FREM2: variants seen among roughly 807,000 people sequenced by gnomAD.
The protein encoded by FREM2 is FRAS1 related extracellular matrix 2.
FREM2 carries 119 observed loss-of-function variants against 219.9 expected under a neutral mutation model. The ratio of observed to expected loss-of-function variants is 0.54; its 90% confidence interval spans 0.47 to 0.63. The LOEUF is 0.63. Ranked by LOEUF, FREM2 falls within the 30% of genes least tolerant of loss-of-function variation. The pLI is 0.00. For synonymous variants in FREM2, 1,562 were observed against 1,522.8 expected, an observed-to-expected ratio of 1.03 and a Z score of -0.60; for missense variants, 4,030 against 3,993.6, an observed-to-expected ratio of 1.01 and a Z score of -0.25.
intron 6 of FREM2, among the ~76,000 whole-genome samples, chr13:38,814,979 GC>G (rs561946640): frequency 3.9e-5 from 6 of 152,218 alleles, no homozygotes; most frequent in African/African-American, 1.4e-4. Flanking sequence ...CTCCCCTCTG[GC>G]CCAGGGAAGG....
chr13:38,861,284 T>C, intron 14 of FREM2, 147 bp from the exon 15 acceptor site: 1 of 756,420 alleles, frequency 1.3e-6, no homozygotes, highest in South Asian at 1.6e-5. Flanking sequence ...TAATTCCTTA[T>C]CACGTGATGT....
intron 2 of FREM2, among the ~76,000 whole-genome samples, chr13:38,729,682 G>A (rs1031614748): frequency 6.6e-6 from 1 of 152,126 alleles, no homozygotes; most frequent in East Asian, 1.9e-4. Flanking sequence ...GTGTATTGAG[G>A]CTTTCTTTAG....
chr13:38,804,709 A>G (rs570126198), intron 6 of FREM2, among the ~76,000 whole-genome samples: 1 of 152,304 alleles, frequency 6.6e-6, no homozygotes, highest in Admixed American at 6.5e-5. Flanking sequence ...TTAAAAGATG[A>G]AAAGGATGTA....
At chr13:38,698,963 T>C (rs755516046) in intron 2 of FREM2, among the ~76,000 whole-genome samples, 76 of 152,170 alleles carry the variant, frequency 5.0e-4, no homozygotes, top group Non-Finnish European at 8.4e-4. Context: ...AATCATAGTT[T>C]AGTATTCTAC....
chr13:38,753,406 A>T (rs1297191287), intron 2 of FREM2, among the ~76,000 whole-genome samples: 1 of 152,210 alleles, frequency 6.6e-6, no homozygotes, highest in African/African-American at 2.4e-5. Flanking sequence ...ATGCTTTGTA[A>T]TCTTATTCAC....
At chr13:38,821,084 T>C (rs1876028312) in intron 6 of FREM2, among the ~76,000 whole-genome samples, 1 of 152,154 alleles carries the variant, frequency 6.6e-6, no homozygotes, top group Non-Finnish European at 1.5e-5. Flanking sequence ...AGTTGTCTCA[T>C]TAGGAGTCCT....
Position 38,876,446 on chromosome 13 carries a change from T to TTAA in FREM2, c.8544+64_8544+65insTAA, listed in dbSNP as rs1555274159. 4,861 of 1,111,744 alleles carry TTAA rather than the reference T, an allele frequency of 4.4e-3. 117 individuals carry two copies. The African/African-American group carries it at 0.067, about 15-fold the overall frequency. The allele number at this position is 1,111,744 out of a possible 1,614,324, so 68.9% of individuals were successfully genotyped here. A position where few individuals can be genotyped will look rare whatever the true frequency, so the allele number is the denominator to read the frequency against. ...TCCCACTTTGTTTTTCATTTATTAG[T>TTAA]AAAAAAAAAAAAAATCCACACGTGA... On this transcript the variant is annotated intron_variant, in intron 20 of 23. Transcript: ENST00000280481.
At chr13:38,719,244 G>T (rs1324277654) in intron 2 of FREM2, among the ~76,000 whole-genome samples, 1 of 152,130 alleles carries the variant, frequency 6.6e-6, no homozygotes, top group Non-Finnish European at 1.5e-5. Flanking sequence ...TTTTGAGATG[G>T]AGTTTCGCTC....
intron 2 of FREM2, among the ~76,000 whole-genome samples, chr13:38,721,019 G>A (rs1354955873): frequency 6.6e-6 from 1 of 152,140 alleles, no homozygotes; most frequent in Non-Finnish European, 1.5e-5. Context: ...TTGGTTGGGG[G>A]AGGGAGCATC....
chr13:38,865,544 T>G (rs1593453382), intron 16 of FREM2, among the ~76,000 whole-genome samples: 1 of 152,284 alleles, frequency 6.6e-6, no homozygotes, highest in East Asian at 1.9e-4. Context: ...TGTGCTATAT[T>G]CATAAGGTGT....
intron 11 of FREM2, among the ~76,000 whole-genome samples, chr13:38,854,233 C>A (rs1877476906): frequency 6.6e-6 from 1 of 151,546 alleles, no homozygotes; most frequent in African/African-American, 2.4e-5. Flanking sequence ...GACCACCGTC[C>A]AGCAAGTATA....
intron 2 of FREM2, among the ~76,000 whole-genome samples, chr13:38,726,286 G>A (rs192889742): frequency 5.3e-5 from 8 of 152,290 alleles, no homozygotes; most frequent in African/African-American, 1.7e-4. Context: ...GAGATGATTA[G>A]GGCAGAGGAA....
intron 2 of FREM2, among the ~76,000 whole-genome samples, chr13:38,758,199 A>G (rs1486622966): frequency 6.6e-6 from 1 of 152,160 alleles, no homozygotes; most frequent in Non-Finnish European, 1.5e-5. Context: ...CCTAAATAGG[A>G]GGAGAAGGAA....
At chr13:38,871,016 C>T (rs9548516) in intron 16 of FREM2, among the ~76,000 whole-genome samples, 25,648 of 152,012 alleles carry the variant, frequency 0.17, 2,452 homozygotes, top group Admixed American at 0.26. Flanking sequence ...ACTTAGTCAC[C>T]GTCCATTTCC....
chr13:38,846,775 A>G, intron 7 of FREM2, 53 bp downstream of exon 7: 1 of 1,589,410 alleles, frequency 6.3e-7, no homozygotes, highest in Non-Finnish European at 8.6e-7. Context: ...TTCAATGACC[A>G]TGGCACAAAT....
intron 18 of FREM2, among the ~76,000 whole-genome samples, chr13:38,875,384 A>G (rs915452613): frequency 1.1e-4 from 16 of 152,198 alleles, no homozygotes; most frequent in African/African-American, 3.4e-4. Context: ...AGGAAGAGAA[A>G]GAGGCTTCAT....
chr13:38,837,735 T>G (rs1375240033), intron 6 of FREM2, among the ~76,000 whole-genome samples: 2 of 152,026 alleles, frequency 1.3e-5, no homozygotes, highest in African/African-American at 4.8e-5. Context: ...GTTTAAAATC[T>G]GTTTTAAGAG....
In FREM2 at chr13:38,687,216, G is replaced by A; in HGVS notation, c.-129G>A. The A allele has an allele frequency of 7.5e-7, 1 of 1,332,786 alleles. No homozygotes were observed. Among genetic ancestry groups the A allele is most frequent in the Non-Finnish European group, 1.0e-6 (1 of 957,748 alleles). The allele number at this position is 1,332,786 out of a possible 1,614,324, so 82.6% of individuals were successfully genotyped here. A position where few individuals can be genotyped will look rare whatever the true frequency, so the allele number is the denominator to read the frequency against. The stretch of plus-strand genomic sequence containing the variant: ...TTTGCCATCCTTCTGGCCCAGCCCC[G>A]GCTACAGGAGGACCCCGCGGGCAAC... On this transcript the variant is annotated 5_prime_UTR_variant, in exon 1 of 24. Transcript: ENST00000280481.
At chr13:38,835,323 C>G (rs1201153298) in intron 6 of FREM2, among the ~76,000 whole-genome samples, 2 of 152,146 alleles carry the variant, frequency 1.3e-5, no homozygotes, top group Non-Finnish European at 1.5e-5. Flanking sequence ...GTTTTGGTAC[C>G]AGCATCATGC....
Sources: gnomAD v4.1 joint callset for allele counts (sites outside exome capture counted in the v4.1 genomes callset) on GRCh38, gnomAD v4.1.1 for gene constraint, MANE v1.5 for transcripts, NCBI Gene and HGNC (gene_info 2026-07-23, HGNC 2026-07-21) for gene names.